The following STPG2 variants were observed in gnomAD, a reference collection of about 807,000 sequenced individuals.
STPG2 encodes the protein sperm-tail PG-rich repeat-containing protein 2.
STPG2 carries 56 observed loss-of-function variants against 54.2 expected under a neutral mutation model. The ratio of observed to expected loss-of-function variants is 1.03; its 90% CI spans 0.83 to 1.29. The LOEUF is 1.29. Among genes scored for constraint, STPG2 ranks in the 50% most tolerant of loss-of-function variants. The probability of loss-of-function intolerance (pLI) is 0.00; values close to 1 mark genes in which losing one functional copy is unlikely to be tolerated. For missense variants in STPG2, 596 were observed against 544.9 expected, an observed-to-expected ratio of 1.09 and a Z score of -0.93; for synonymous variants, 200 against 181.8, an observed-to-expected ratio of 1.10 and a Z score of -0.81.
At chr4:97,862,286 G>A (rs1326170184) in intron 8 of STPG2, among the ~76,000 whole-genome samples, 1 of 151,732 alleles carries the variant, frequency 6.6e-6, no homozygotes. Flanking sequence ...AAAAGGCAGA[G>A]GTTGCAATCC....
At chr4:97,696,191 G>A (rs1170711925) in intron 10 of STPG2, among the ~76,000 whole-genome samples, 3 of 152,102 alleles carry the variant, frequency 2.0e-5, no homozygotes, top group Non-Finnish European at 4.4e-5. Context: ...AAACATAATT[G>A]AACATAATTG....
chr4:97,889,380 C>T (rs1285600147), intron 8 of STPG2, among the ~76,000 whole-genome samples: 4 of 152,096 alleles, frequency 2.6e-5, no homozygotes, highest in Non-Finnish European at 4.4e-5. Flanking sequence ...ATGTTTATTG[C>T]CACATTATTC....
At chr4:97,724,058 T>C (rs1724542806) in intron 9 of STPG2, among the ~76,000 whole-genome samples, 1 of 152,202 alleles carries the variant, frequency 6.6e-6, no homozygotes, top group East Asian at 1.9e-4. Flanking sequence ...TTACAATAAA[T>C]TGTCTTCACA....
intron 5 of STPG2, among the ~76,000 whole-genome samples, chr4:98,004,606 C>G (rs1270453015): frequency 6.6e-6 from 1 of 152,152 alleles, no homozygotes; most frequent in Non-Finnish European, 1.5e-5. Flanking sequence ...TTCCTAACAA[C>G]AACATATAAG....
At chr4:97,869,132 G>A (rs548655200) in intron 8 of STPG2, among the ~76,000 whole-genome samples, 3 of 151,806 alleles carry the variant, frequency 2.0e-5, no homozygotes, top group Admixed American at 6.6e-5. Context: ...TGAGTTTAAC[G>A]TCAAAAGTGT....
intron 4 of STPG2, among the ~76,000 whole-genome samples, chr4:97,482,797 C>T (rs1730257598): frequency 6.6e-6 from 1 of 151,322 alleles, no homozygotes; most frequent in Non-Finnish European, 1.5e-5. Flanking sequence ...TACCTTAAGA[C>T]CTATGGGACA....
At chr4:97,889,738 A>G (rs1347771457) in intron 8 of STPG2, among the ~76,000 whole-genome samples, 2 of 152,188 alleles carry the variant, frequency 1.3e-5, no homozygotes, top group Admixed American at 6.5e-5. Flanking sequence ...TTCAGACAGT[A>G]GGAAAAGTCC....
At chr4:97,451,070 G>C (rs2148798040) in intron 4 of STPG2, among the ~76,000 whole-genome samples, 1 of 152,168 alleles carries the variant, frequency 6.6e-6, no homozygotes, top group African/African-American at 2.4e-5. Context: ...AAAATGTGCA[G>C]GTTATCTACA....
chr4:97,522,144 A>C (rs1403386627), intron 4 of STPG2, among the ~76,000 whole-genome samples: 1 of 152,068 alleles, frequency 6.6e-6, no homozygotes, highest in Non-Finnish European at 1.5e-5. Context: ...AAAACTTGAT[A>C]ATTACAAATA....
intron 5 of STPG2, among the ~76,000 whole-genome samples, chr4:98,059,369 C>A (rs1005347642): frequency 7.9e-5 from 12 of 151,866 alleles, no homozygotes; most frequent in Non-Finnish European, 1.6e-4. Context: ...AACTGATTTC[C>A]TGAACAGACT....
intron 7 of STPG2, among the ~76,000 whole-genome samples, chr4:97,957,054 C>T (rs937749896): frequency 2.7e-5 from 4 of 149,926 alleles, no homozygotes; most frequent in Non-Finnish European, 3.0e-5. Flanking sequence ...AAGTCAGAGC[C>T]CAATTTAAGG....
At chr4:97,723,818 C>G (rs1028274138) in intron 9 of STPG2, among the ~76,000 whole-genome samples, 1 of 152,164 alleles carries the variant, frequency 6.6e-6, no homozygotes, top group African/African-American at 2.4e-5. Context: ...GGAAGTGCCA[C>G]TTTTAAACCA....
chr4:97,969,039 T>G (rs1734221373), intron 7 of STPG2, among the ~76,000 whole-genome samples: 1 of 152,192 alleles, frequency 6.6e-6, no homozygotes, highest in South Asian at 2.1e-4. Context: ...GGGCGCCTGT[T>G]CATATGGATA....
At chr4:97,634,061 CG>C (rs1321777384) in intron 10 of STPG2, among the ~76,000 whole-genome samples, 1 of 152,136 alleles carries the variant, frequency 6.6e-6, no homozygotes, top group Non-Finnish European at 1.5e-5. Flanking sequence ...ACAAAAAGAC[CG>C]CAGTAACCTC....
chr4:98,134,590 G>C (rs937059621), intron 1 of STPG2, 131 bp from the exon 2 acceptor site: 2 of 364,874 alleles, frequency 5.5e-6, no homozygotes, highest in Admixed American at 4.7e-5. Flanking sequence ...TGTCTAGTCA[G>C]AGAAGTTATT....
chr4:97,525,578 A>G (rs910791925), intron 4 of STPG2, among the ~76,000 whole-genome samples: 1 of 151,998 alleles, frequency 6.6e-6, no homozygotes, highest in Non-Finnish European at 1.5e-5. Flanking sequence ...AAAAATAACA[A>G]TATCAAGGTA....
chr4:97,972,475 G>T, intron 6 of STPG2, 35 bp from the exon 7 acceptor site: 1 of 1,298,690 alleles, frequency 7.7e-7, no homozygotes, highest in Non-Finnish European at 1.0e-6. Context: ...ATAAGAATAA[G>T]CATGCTTTTA....
intron 9 of STPG2, among the ~76,000 whole-genome samples, chr4:97,773,990 A>G (rs1726295790): frequency 9.5e-6 from 1 of 104,826 alleles, no homozygotes; most frequent in Non-Finnish European, 2.2e-5. Context: ...CCTCTAAAAT[A>G]TAGGGTGTGT....
intron 9 of STPG2, among the ~76,000 whole-genome samples, chr4:97,822,214 A>G (rs1198868823): frequency 6.6e-6 from 1 of 152,232 alleles, no homozygotes; most frequent in Non-Finnish European, 1.5e-5. Context: ...TTTCTGCTAG[A>G]TACCCTAAAA....
Sources: allele counts gnomAD v4.1 joint callset (sites outside exome capture counted in the v4.1 genomes callset), GRCh38; gene constraint gnomAD v4.1.1; transcripts MANE v1.5; gene names NCBI Gene and HGNC (gene_info 2026-07-23, HGNC 2026-07-21).